The following SAMD5 variants were observed in gnomAD, a reference collection of about 807,000 sequenced individuals.
The protein encoded by SAMD5 is sterile alpha motif domain containing 5.
Under a neutral mutation model 11.3 loss-of-function variants are expected in SAMD5, and 13 were observed. The observed-to-expected ratio is 1.15, with a 90% CI of 0.75 to 1.83. The LOEUF (loss-of-function observed/expected upper bound fraction) is 1.83, where lower values mean the gene tolerates loss of function less well. SAMD5 is among the 40% of genes most tolerant of loss of function. The pLI, the probability that SAMD5 is intolerant of heterozygous loss-of-function variation, is 0.00. For synonymous variants in SAMD5, 129 were observed against 111.3 expected (o/e 1.16, Z -1.00); for missense variants, 255 against 239.1 (o/e 1.07, Z -0.44).
chr6:147,570,361 G>A (rs1045168423), downstream of SAMD5, among the ~76,000 whole-genome samples: 3 of 152,132 alleles, frequency 2.0e-5, no homozygotes, highest in Non-Finnish European at 4.4e-5. Flanking sequence ...TGTGTGTGGA[G>A]TTTCTGTACA....
intron 1 of SAMD5, among the ~76,000 whole-genome samples, chr6:147,705,184 T>A (rs1255458262): frequency 2.0e-5 from 3 of 152,242 alleles, no homozygotes; most frequent in African/African-American, 7.2e-5. Flanking sequence ...CTTCTCATTT[T>A]TCTTCTCCTG....
At chr6:147,668,308 A>G (rs967367876) in intron 1 of SAMD5, among the ~76,000 whole-genome samples, 1 of 152,216 alleles carries the variant, frequency 6.6e-6, no homozygotes, top group Non-Finnish European at 1.5e-5. Flanking sequence ...TTTCAAAATT[A>G]CTTTGGAGAT....
At chr6:147,858,312 T>G in the SAMD5 span, among the ~76,000 whole-genome samples, 1 of 152,166 alleles carries the variant, frequency 6.6e-6, no homozygotes, top group Non-Finnish European at 1.5e-5. Context: ...CTAGTATACT[T>G]CTTGGGCCTT....
chr6:147,568,379 G>A lies in SAMD5; in HGVS notation c.*3923G>A, dbSNP rs1789078617. 1 of 984,798 alleles carries A rather than the reference G, an allele frequency of 1.0e-6. No homozygotes were observed. The highest frequency in any genetic ancestry group is 1.7e-5 in the African/African-American group (1 of 57,242). 61.0% of individuals were successfully genotyped at this position (984,798 alleles called of 1,614,324 possible). A position where few individuals can be genotyped will look rare whatever the true frequency, so the allele number is the denominator to read the frequency against. Reference sequence around the variant, plus strand: ...AAAAAGAAGTTAACATAATTAAAATGCTTGGACAAAACATTTGCTTTATAT... The same window carrying A: ...AAAAAGAAGTTAACATAATTAAAATACTTGGACAAAACATTTGCTTTATAT... On this transcript the variant is annotated 3_prime_UTR_variant, in exon 2 of 2. Transcript: ENST00000367474.
chr6:147,763,093 G>GA, the SAMD5 span, among the ~76,000 whole-genome samples: 4 of 152,046 alleles, frequency 2.6e-5, no homozygotes, highest in Admixed American at 6.5e-5. Flanking sequence ...ATGCAAAAGT[G>GA]AAAATAAAGA....
intron 1 of SAMD5, among the ~76,000 whole-genome samples, chr6:147,523,378 G>A (rs568335250): frequency 6.6e-6 from 1 of 152,124 alleles, no homozygotes; most frequent in Non-Finnish European, 1.5e-5. Context: ...TTGAAGCAAG[G>A]ATTAAGAACA....
intron 1 of SAMD5, among the ~76,000 whole-genome samples, chr6:147,626,770 A>G (rs1442504228): frequency 6.8e-6 from 1 of 146,464 alleles, no homozygotes; most frequent in East Asian, 2.0e-4. Flanking sequence ...CCTGGGCAAC[A>G]TAACGAGACA....
chr6:147,646,324 G>A (rs1211096306), intron 1 of SAMD5, among the ~76,000 whole-genome samples: 3 of 151,882 alleles, frequency 2.0e-5, no homozygotes, highest in Non-Finnish European at 2.9e-5. Context: ...AGGCCCTATC[G>A]CAAAAAAATA....
intron 1 of SAMD5, among the ~76,000 whole-genome samples, chr6:147,601,972 C>T (rs771374042): frequency 4.6e-5 from 7 of 152,220 alleles, no homozygotes; most frequent in Non-Finnish European, 1.0e-4. Context: ...GGGCTGAAGA[C>T]TCAGCAGAGT....
At chr6:147,832,140 G>A in the SAMD5 span, among the ~76,000 whole-genome samples, 25,221 of 152,034 alleles carry the variant, frequency 0.17, 2,266 homozygotes, top group Middle Eastern at 0.21. Flanking sequence ...GAAAGCAATC[G>A]TTGCTATTAA....
chr6:147,519,197 T>G (rs1562311109), intron 1 of SAMD5, among the ~76,000 whole-genome samples: 1 of 152,186 alleles, frequency 6.6e-6, no homozygotes, highest in Non-Finnish European at 1.5e-5. Flanking sequence ...TTTAAAGATT[T>G]TTTCCCCTAG....
Position 147,564,411 on chromosome 6 carries a change from C to G in SAMD5, c.477C>G (p.Ile159Met), listed in dbSNP as rs1216956287. 1.0e-5 allele frequency: 8 copies of G among 780,714 alleles called. No homozygotes were observed. The highest frequency in any genetic ancestry group is 1.9e-5 in the Non-Finnish European group (8 of 418,086). The allele number at this position is 780,714 out of a possible 1,614,324, so 48.4% of individuals were successfully genotyped here. A position where few individuals can be genotyped will look rare whatever the true frequency, so the allele number is the denominator to read the frequency against. ...PYSRKVPMAG[I>M]LEYLMNWPKS... ...ATCCACAGGTCCCAATGGCTGGCAT[C>G]CTAGAGTACTTAATGAATTGGCCGA... Residue 159 changes from isoleucine to methionine, a missense_variant, in exon 2 of 2, where the codon ATC (isoleucine) becomes ATG (methionine). Transcript: ENST00000367474.
At chr6:147,655,814 CAA>C (rs1458139053) in intron 1 of SAMD5, among the ~76,000 whole-genome samples, 1 of 151,972 alleles carries the variant, frequency 6.6e-6, no homozygotes, top group African/African-American at 2.4e-5. Flanking sequence ...ACAATTAAAA[CAA>C]TATAAATGCA....
At chr6:147,596,548 G>T (rs1410673903) in intron 1 of SAMD5, among the ~76,000 whole-genome samples, 3 of 152,104 alleles carry the variant, frequency 2.0e-5, no homozygotes, top group Non-Finnish European at 4.4e-5. Context: ...ATTATCATTT[G>T]CTGTAAGATT....
intron 1 of SAMD5, among the ~76,000 whole-genome samples, chr6:147,647,843 T>C (rs575789050): frequency 2.0e-5 from 3 of 152,296 alleles, no homozygotes; most frequent in African/African-American, 4.8e-5. Context: ...CTTCTGAAAA[T>C]GTAGCCTTTG....
chr6:147,904,859 CT>C, the SAMD5 span, among the ~76,000 whole-genome samples: 27 of 150,956 alleles, frequency 1.8e-4, no homozygotes, highest in African/African-American at 6.6e-4. Context: ...TAACTCAAAA[CT>C]AACATAATGG....
intron 1 of SAMD5, among the ~76,000 whole-genome samples, chr6:147,700,344 GA>G (rs1484048974): frequency 6.6e-6 from 1 of 152,164 alleles, no homozygotes; most frequent in Non-Finnish European, 1.5e-5. Flanking sequence ...ATTAGATCCT[GA>G]GATTAATCTT....
At chr6:147,831,245 G>A in the SAMD5 span, among the ~76,000 whole-genome samples, 17 of 152,212 alleles carry the variant, frequency 1.1e-4, no homozygotes, top group South Asian at 2.7e-3. Context: ...GCTCCAAATC[G>A]AATAAAAAGG....
At chr6:147,636,954 T>C (rs1284507698) in intron 1 of SAMD5, among the ~76,000 whole-genome samples, 1 of 151,128 alleles carries the variant, frequency 6.6e-6, no homozygotes, top group Non-Finnish European at 1.5e-5. Context: ...TGAAGAGGGG[T>C]GTCTTACAAT....
Sources: allele counts gnomAD v4.1 joint callset (sites outside exome capture counted in the v4.1 genomes callset), GRCh38; gene constraint gnomAD v4.1.1; transcripts MANE v1.5; gene names NCBI Gene and HGNC (gene_info 2026-07-23, HGNC 2026-07-21).